The following SERPINE2 variants were observed in gnomAD, a reference collection of about 807,000 sequenced individuals.
SERPINE2 encodes serpin family E member 2.
Under a neutral mutation model 36.3 loss-of-function variants are expected in SERPINE2, and 14 were observed. The ratio of observed to expected loss-of-function variants is 0.39; its 90% CI spans 0.25 to 0.60. SERPINE2 has a LOEUF of 0.60. SERPINE2 is among the 20% of genes least tolerant of loss of function. SERPINE2 has a pLI of 0.57. For synonymous variants in SERPINE2, 192 were observed against 191.8 expected (o/e 1.00, Z -0.01); for missense variants, 418 against 499.6 (o/e 0.84, Z 1.56).
At chr2:223,982,432 T>G (rs2106136006) in intron 6 of SERPINE2, 1 of 365,326 alleles carries the variant, frequency 2.7e-6, no homozygotes, top group Non-Finnish European at 5.0e-6. Context: ...CTATATAAAC[T>G]GATCCATGTA....
intron 1 of SERPINE2, among the ~76,000 whole-genome samples, chr2:224,016,550 A>T (rs965322750): frequency 1.3e-5 from 2 of 150,620 alleles, no homozygotes; most frequent in African/African-American, 4.9e-5. Flanking sequence ...TTTATTATTT[A>T]TTTTTTTTTA....
chr2:224,007,419 C>G (rs988211291), intron 1 of SERPINE2, among the ~76,000 whole-genome samples: 3 of 152,126 alleles, frequency 2.0e-5, no homozygotes, highest in Non-Finnish European at 4.4e-5. Flanking sequence ...TAATACTCCC[C>G]CCCATACTCA....
chr2:223,991,078 A>G (rs1235931114), intron 4 of SERPINE2, among the ~76,000 whole-genome samples: 1 of 152,222 alleles, frequency 6.6e-6, no homozygotes, highest in Non-Finnish European at 1.5e-5. Context: ...ACGTGTGAAT[A>G]TAAAGAAAAG....
Position 223,975,417 on chromosome 2 carries a change from TG to T in SERPINE2, c.*449del, listed in dbSNP as rs1689968578. On this transcript the variant is annotated 3_prime_UTR_variant, in exon 9 of 9. Coordinates refer to ENST00000409304, the MANE Select transcript of SERPINE2 (RefSeq NM_001136528.2). ...TTGCTATCAAGACTTTGGAGGGGGA[TG>T]GGGGAAAAGAATTTAAAAGGCAAAT... 1 of 153,108 alleles carries T rather than the reference TG, an allele frequency of 6.5e-6. No individual in the cohort carries two copies. Among genetic ancestry groups the T allele is most frequent in the South Asian group, 2.1e-4 (1 of 4,836 alleles). 9.5% of individuals were successfully genotyped at this position (153,108 alleles called of 1,614,324 possible). A position where few individuals can be genotyped will look rare whatever the true frequency, so the allele number is the denominator to read the frequency against.
At chr2:224,004,470 C>T (rs773880414) in intron 1 of SERPINE2, among the ~76,000 whole-genome samples, 3 of 152,204 alleles carry the variant, frequency 2.0e-5, no homozygotes, top group Admixed American at 2.0e-4. Context: ...ACGCTGCTCC[C>T]GCTTGGGCTC....
intron 1 of SERPINE2, among the ~76,000 whole-genome samples, chr2:224,035,921 G>A (rs1298400843): frequency 6.6e-6 from 1 of 152,100 alleles, no homozygotes; most frequent in Admixed American, 6.5e-5. Flanking sequence ...GCCTGCATGT[G>A]GGCAGTGCGG....
At chr2:223,987,988 T>C (rs923954181) in intron 4 of SERPINE2, among the ~76,000 whole-genome samples, 1 of 152,186 alleles carries the variant, frequency 6.6e-6, no homozygotes, top group Non-Finnish European at 1.5e-5. Flanking sequence ...TTGAAATGGA[T>C]ATTTTGGAAA....
intron 1 of SERPINE2, among the ~76,000 whole-genome samples, chr2:224,026,956 C>T (rs1448071054): frequency 2.0e-5 from 3 of 152,090 alleles, no homozygotes; most frequent in African/African-American, 7.2e-5. Flanking sequence ...TTAGCTGGTA[C>T]AAATCAATAA....
At chr2:224,022,619 T>C (rs989666404) in intron 1 of SERPINE2, among the ~76,000 whole-genome samples, 5 of 152,186 alleles carry the variant, frequency 3.3e-5, no homozygotes, top group Admixed American at 6.5e-5. Context: ...TATGTGAAAC[T>C]TGGCTGAACC....
chr2:224,011,772 AG>A (rs1691629837), intron 1 of SERPINE2, among the ~76,000 whole-genome samples: 2 of 152,370 alleles, frequency 1.3e-5, no homozygotes, highest in East Asian at 3.9e-4. Context: ...ATAATAAAAA[AG>A]ATTCAGGTCC....
At chr2:224,004,928 A>G (rs1691333871) in intron 1 of SERPINE2, among the ~76,000 whole-genome samples, 1 of 148,804 alleles carries the variant, frequency 6.7e-6, no homozygotes, top group South Asian at 2.1e-4. Context: ...TGGATTCAGA[A>G]GACATGAACA....
At chr2:224,035,853 A>C (rs1692516325) in intron 1 of SERPINE2, among the ~76,000 whole-genome samples, 1 of 152,196 alleles carries the variant, frequency 6.6e-6, no homozygotes, top group South Asian at 2.1e-4. Context: ...GGCCAGCGTG[A>C]CTAGAGCGGA....
intron 3 of SERPINE2, 148 bp downstream of exon 3, chr2:223,997,967 G>A (rs1690959186): frequency 3.1e-6 from 2 of 655,694 alleles, no homozygotes; most frequent in South Asian, 3.7e-5. Flanking sequence ...AGGGGAAGGA[G>A]GGAGACTGAA....
intron 1 of SERPINE2, among the ~76,000 whole-genome samples, chr2:224,026,223 C>A (rs1174149684): frequency 6.6e-6 from 1 of 152,208 alleles, no homozygotes; most frequent in Non-Finnish European, 1.5e-5. Flanking sequence ...ATAAACACGC[C>A]CACTTCGGGC....
chr2:223,987,482 G>A (rs755893793), intron 4 of SERPINE2, among the ~76,000 whole-genome samples: 1 of 152,096 alleles, frequency 6.6e-6, no homozygotes, highest in Admixed American at 6.6e-5. Context: ...TCCCCTACCC[G>A]ATGCTCTCTA....
chr2:223,985,854 A>G (rs776289973), intron 4 of SERPINE2, among the ~76,000 whole-genome samples: 2 of 152,202 alleles, frequency 1.3e-5, no homozygotes, highest in Non-Finnish European at 2.9e-5. Flanking sequence ...TGGTACTTCT[A>G]CTTACTAATG....
At chr2:224,016,088 A>G (rs1363735180) in intron 1 of SERPINE2, among the ~76,000 whole-genome samples, 2 of 152,266 alleles carry the variant, frequency 1.3e-5, no homozygotes, top group East Asian at 1.9e-4. Flanking sequence ...AGATGTCACT[A>G]TATGTCCAGA....
chr2:223,998,057 T>A, intron 3 of SERPINE2, 58 bp downstream of exon 3: 1 of 1,411,680 alleles, frequency 7.1e-7, no homozygotes, highest in Non-Finnish European at 1.0e-6. Context: ...AACCCTGGAG[T>A]CTAACTCATG....
At chr2:224,030,293 T>C (rs762195174) in intron 1 of SERPINE2, 19 of 911,446 alleles carry the variant, frequency 2.1e-5, no homozygotes, top group Non-Finnish European at 2.5e-5. Context: ...AAACAAAGCA[T>C]GCAAAGACAC....
Sources: gnomAD v4.1 joint callset for allele counts (sites outside exome capture counted in the v4.1 genomes callset) on GRCh38, gnomAD v4.1.1 for gene constraint, MANE v1.5 for transcripts, NCBI Gene and HGNC (gene_info 2026-07-23, HGNC 2026-07-21) for gene names.